The following PRELID2 variants were observed in gnomAD, a reference collection of about 807,000 sequenced individuals.
The protein encoded by PRELID2 is PRELI domain-containing protein 2.
PRELID2 carries 25 observed loss-of-function variants against 28.4 expected under a neutral mutation model. The observed-to-expected ratio is 0.88, with a 90% confidence interval of 0.64 to 1.23. PRELID2 has a LOEUF of 1.23. Ranked by LOEUF, PRELID2 falls within the 50% of genes most tolerant of loss-of-function variation. The pLI is 0.00. For missense variants in PRELID2, 201 were observed against 214.4 expected (o/e 0.94, Z 0.39); for synonymous variants, 76 against 71.6 (o/e 1.06, Z -0.31).
intron 1 of PRELID2, among the ~76,000 whole-genome samples, chr5:145,828,709 A>G (rs746982106): frequency 2.0e-4 from 30 of 152,082 alleles, no homozygotes; most frequent in Non-Finnish European, 3.8e-4. Flanking sequence ...CCATACTACA[A>G]TGTAATGTCT....
chr5:145,503,505 C>T lies in PRELID2; in HGVS notation n.71-30190G>A, dbSNP rs117449408. ...CCTACTAGATATCAGTCATTTTCTA[C>T]GCATTTCCTCCTCCAAACTGCCCTA... is the stretch of plus-strand genomic sequence containing the variant. On this transcript the variant is annotated intron_variant and non_coding_transcript_variant, in intron 1 of 2. Transcript: ENST00000510259. Among the ~76,000 whole-genome samples, 199 of 151,502 alleles carry T rather than the reference C, an allele frequency of 1.3e-3. 1 individual carries two copies. The highest frequency in any genetic ancestry group is 6.8e-3 in the East Asian group (35 of 5,172).
chr5:145,814,717 A>G (rs1412689352), intron 4 of PRELID2, among the ~76,000 whole-genome samples: 1 of 152,236 alleles, frequency 6.6e-6, no homozygotes, highest in Non-Finnish European at 1.5e-5. Flanking sequence ...ATAACAAAAA[A>G]AAACAGATAA....
the PRELID2 span, among the ~76,000 whole-genome samples, chr5:145,418,098 A>G: frequency 1.6e-3 from 244 of 152,316 alleles, 1 homozygote; most frequent in African/African-American, 5.6e-3. Flanking sequence ...TTATACACCA[A>G]TAACAGGCAA....
chr5:145,808,881 T>C (rs1753731799), intron 4 of PRELID2, among the ~76,000 whole-genome samples: 1 of 131,364 alleles, frequency 7.6e-6, no homozygotes, highest in Non-Finnish European at 1.8e-5. Context: ...GACCCTGTCT[T>C]ACAAAAAAAA....
the PRELID2 span, among the ~76,000 whole-genome samples, chr5:145,466,384 A>G: frequency 6.6e-6 from 1 of 152,180 alleles, no homozygotes; most frequent in Non-Finnish European, 1.5e-5. Flanking sequence ...ATGAACAATT[A>G]TGCATTTAGT....
chr5:145,351,155 T>C, the PRELID2 span, among the ~76,000 whole-genome samples: 1 of 152,200 alleles, frequency 6.6e-6, no homozygotes. Context: ...ATTCAAACTC[T>C]GGTCTGTCTG....
the PRELID2 span, among the ~76,000 whole-genome samples, chr5:145,369,678 A>G: frequency 3.3e-5 from 5 of 152,038 alleles, no homozygotes; most frequent in South Asian, 6.2e-4. Flanking sequence ...CTGATTCTAG[A>G]TCCTTGAGGA....
chr5:145,440,575 A>G, the PRELID2 span, among the ~76,000 whole-genome samples: 1 of 152,076 alleles, frequency 6.6e-6, no homozygotes, highest in African/African-American at 2.4e-5. Context: ...GCTGAGGAAA[A>G]TGTTGTTTTC....
intron 1 of PRELID2, chr5:145,728,436 C>G (rs569885296): frequency 1.4e-5 from 8 of 572,692 alleles, no homozygotes; most frequent in African/African-American, 3.7e-5. Flanking sequence ...AGAGACAAAA[C>G]AGGGACCCCG....
chr5:145,397,672 G>T, the PRELID2 span, among the ~76,000 whole-genome samples: 1,779 of 152,270 alleles, frequency 0.012, 33 homozygotes, highest in African/African-American at 0.04. Context: ...AAAAGAGAGA[G>T]ACAAGAAGAC....
intron 1 of PRELID2, among the ~76,000 whole-genome samples, chr5:145,521,240 G>A (rs1752560705): frequency 6.6e-6 from 1 of 152,134 alleles, no homozygotes; most frequent in Admixed American, 6.5e-5. Flanking sequence ...GGCACAGTGG[G>A]GAGCTAAAAT....
At chr5:145,780,178 TG>T (rs1173971798) in intron 5 of PRELID2, among the ~76,000 whole-genome samples, 3 of 152,162 alleles carry the variant, frequency 2.0e-5, no homozygotes, top group Non-Finnish European at 4.4e-5. Flanking sequence ...CCAGGTGTGG[TG>T]GCAGGTGCCT....
chr5:145,661,666 TAAAAAAA>T lies in PRELID2; in HGVS notation n.70+103258_70+103264del, dbSNP rs567073073. On this transcript the variant is annotated intron_variant and non_coding_transcript_variant, in intron 1 of 2. Transcript: ENST00000510259. ...AGGACGTTAAAAACAAACAAGCCAT[TAAAAAAA>T]AAAAAAAAAAAAAAAACATGTTATG... 1.5e-4 allele frequency among the ~76,000 whole-genome samples: 15 copies of T among 97,174 alleles called. No homozygotes were observed. In the South Asian group the frequency reaches 4.5e-3, roughly 29 times the overall value. The allele number at this position is 97,174 out of a possible 152,430, so 63.7% of individuals were successfully genotyped here. A position where few individuals can be genotyped will look rare whatever the true frequency, so the allele number is the denominator to read the frequency against.
the PRELID2 span, among the ~76,000 whole-genome samples, chr5:145,281,751 T>G: frequency 7.0e-4 from 107 of 152,304 alleles, no homozygotes; most frequent in Admixed American, 7.2e-4. Context: ...TTATTCCAAA[T>G]GAGAAAGAGT....
At chr5:145,714,629 C>G (rs1034536078) in intron 1 of PRELID2, among the ~76,000 whole-genome samples, 1 of 152,142 alleles carries the variant, frequency 6.6e-6, no homozygotes, top group South Asian at 2.1e-4. Flanking sequence ...TTAACCTTTA[C>G]AACCGATCTT....
At chr5:145,285,955 T>C in the PRELID2 span, among the ~76,000 whole-genome samples, 1 of 152,208 alleles carries the variant, frequency 6.6e-6, no homozygotes, top group Non-Finnish European at 1.5e-5. Flanking sequence ...CTGGTTGCTG[T>C]ATTTTTGGCT....
At chr5:145,651,784 T>C (rs779539893) in intron 1 of PRELID2, among the ~76,000 whole-genome samples, 3 of 152,014 alleles carry the variant, frequency 2.0e-5, no homozygotes, top group Admixed American at 6.6e-5. Context: ...CCAAGGTAGA[T>C]AAAACCACAA....
At chr5:145,695,815 A>C (rs1353200743) in intron 1 of PRELID2, among the ~76,000 whole-genome samples, 1 of 152,074 alleles carries the variant, frequency 6.6e-6, no homozygotes, top group African/African-American at 2.4e-5. Context: ...GTGTTTTATA[A>C]CGTAGCCTCA....
chr5:145,543,156 T>G (rs1053058975), intron 1 of PRELID2, among the ~76,000 whole-genome samples: 3 of 152,110 alleles, frequency 2.0e-5, no homozygotes, highest in Admixed American at 6.6e-5. Context: ...CATTTGAAAT[T>G]TCACATTTGC....
Sources: allele counts gnomAD v4.1 joint callset (sites outside exome capture counted in the v4.1 genomes callset), GRCh38; gene constraint gnomAD v4.1.1; transcripts MANE v1.5; gene names NCBI Gene and HGNC (gene_info 2026-07-23, HGNC 2026-07-21).